Variants in ITGA9 observed in about 807,000 individuals in gnomAD.
ITGA9 encodes integrin alpha-9.
A neutral mutation model predicts 127.8 loss-of-function variants in ITGA9; 56 were observed. That is an observed-to-expected ratio of 0.44 (90% CI 0.35 to 0.55). ITGA9 has a LOEUF of 0.55. Ranked by LOEUF, ITGA9 falls within the 20% of genes least tolerant of loss-of-function variation. The pLI is 0.00. For missense variants in ITGA9, 1,196 were observed against 1,347.1 expected (o/e 0.89, Z 1.76); for synonymous variants, 508 against 514.5 (o/e 0.99, Z 0.17).
rs112184679 is a variant in ITGA9 at position 37,618,767 on chromosome 3, C to T, written c.1690-10420C>T. ...GGCGTAGGACTCTCCGAGCTAGGCA[C>T]GGGATATAATCTCCTCGTGTGCTGT... On this transcript the variant is annotated intron_variant, in intron 15 of 27. Coordinates refer to ENST00000264741, the MANE Select transcript of ITGA9 (RefSeq NM_002207.3). 3.2e-3 allele frequency among the ~76,000 whole-genome samples: 495 copies of T among 152,334 alleles called. 2 individuals are homozygous for T. Among genetic ancestry groups the T allele is most frequent in the African/African-American group, 0.011 (468 of 41,582 alleles).
At chr3:37,480,956 G>T (rs1371263399) in intron 3 of ITGA9, among the ~76,000 whole-genome samples, 1 of 152,176 alleles carries the variant, frequency 6.6e-6, no homozygotes, top group Non-Finnish European at 1.5e-5. Context: ...TCCCATTGCA[G>T]ATCTGCTGAA....
chr3:37,791,833 A>G (rs542745677), intron 26 of ITGA9, among the ~76,000 whole-genome samples: 17 of 152,312 alleles, frequency 1.1e-4, no homozygotes, highest in African/African-American at 4.1e-4. Context: ...GGCAAGCAAG[A>G]TTACTCCAAA....
intron 10 of ITGA9, among the ~76,000 whole-genome samples, chr3:37,518,091 C>CGTGTGTGTGTGT (rs1491416800): frequency 1.7e-4 from 9 of 51,878 alleles, no homozygotes; most frequent in African/African-American, 5.6e-4. Flanking sequence ...TGAGAGTGTA[C>CGTGTGTGTGTGT]GCGTGTGTGT....
At chr3:37,793,976 C>A (rs1697143631) in intron 26 of ITGA9, among the ~76,000 whole-genome samples, 1 of 152,182 alleles carries the variant, frequency 6.6e-6, no homozygotes, top group Non-Finnish European at 1.5e-5. Flanking sequence ...CCAAAAGGAT[C>A]TGGGCAGAGA....
chr3:37,743,578 ATCATCT>A (rs1696464051), intron 21 of ITGA9, among the ~76,000 whole-genome samples: 1 of 152,232 alleles, frequency 6.6e-6, no homozygotes, highest in Non-Finnish European at 1.5e-5. Context: ...AAAGCTTATG[ATCATCT>A]TCTTCAACCC....
chr3:37,479,742 G>T (rs1027293406), intron 3 of ITGA9, among the ~76,000 whole-genome samples: 2 of 152,190 alleles, frequency 1.3e-5, no homozygotes, highest in Admixed American at 6.5e-5. Context: ...GATGGAAAAT[G>T]CTTCATAGTG....
chr3:37,612,808 T>C (rs1205813070), intron 15 of ITGA9, among the ~76,000 whole-genome samples: 2 of 152,228 alleles, frequency 1.3e-5, no homozygotes, highest in Non-Finnish European at 2.9e-5. Context: ...CTTTTCTTTC[T>C]GAGCTTTGCC....
chr3:37,694,697 C>G (rs1312282127), intron 18 of ITGA9, among the ~76,000 whole-genome samples: 3 of 151,876 alleles, frequency 2.0e-5, no homozygotes, highest in Non-Finnish European at 4.4e-5. Context: ...TGTTAAACCT[C>G]TAGATTTCTT....
chr3:37,736,178 C>A (rs1010554350), intron 19 of ITGA9, among the ~76,000 whole-genome samples: 1 of 152,190 alleles, frequency 6.6e-6, no homozygotes, highest in Non-Finnish European at 1.5e-5. Context: ...AAGACCCCAT[C>A]TCCACATACC....
intron 1 of ITGA9, among the ~76,000 whole-genome samples, chr3:37,457,611 G>A (rs1170189565): frequency 1.3e-5 from 2 of 152,164 alleles, no homozygotes; most frequent in African/African-American, 4.8e-5. Context: ...CTAGGGAAAT[G>A]GCATTTTCAG....
At chr3:37,655,668 CT>C (rs1370456560) in intron 17 of ITGA9, among the ~76,000 whole-genome samples, 2 of 152,112 alleles carry the variant, frequency 1.3e-5, no homozygotes, top group African/African-American at 4.8e-5. Flanking sequence ...ATGATAGTTT[CT>C]TTTGCTGTGC....
intron 17 of ITGA9, among the ~76,000 whole-genome samples, chr3:37,669,170 A>G (rs1700613449): frequency 6.6e-6 from 1 of 152,146 alleles, no homozygotes; most frequent in African/African-American, 2.4e-5. Context: ...TTGGTGTCAC[A>G]CCCACATCCC....
intron 11 of ITGA9, among the ~76,000 whole-genome samples, chr3:37,520,394 C>T (rs1472745355): frequency 6.6e-6 from 1 of 152,110 alleles, no homozygotes; most frequent in Non-Finnish European, 1.5e-5. Context: ...GTTTATTATC[C>T]ACCATTTATT....
chr3:37,780,072 G>A lies in ITGA9; in HGVS notation c.2787+51G>A, dbSNP rs143657031. The stretch of plus-strand genomic sequence containing the variant: ...GGATGCATTTAGAAGCATTTGAATT[G>A]TTGACATCTGATTTTGGGTAAAAAA... On this transcript the variant is annotated intron_variant, in intron 25 of 27. Coordinates refer to ENST00000264741, the MANE Select transcript of ITGA9 (RefSeq NM_002207.3). The A allele has an allele frequency of 5.3e-5, 85 of 1,607,264 alleles. No homozygotes were observed. The African/African-American group carries it at 1.1e-3, about 20-fold the overall frequency.
intron 17 of ITGA9, among the ~76,000 whole-genome samples, chr3:37,672,024 T>TA (rs1700641108): frequency 6.6e-6 from 1 of 152,124 alleles, no homozygotes; most frequent in Non-Finnish European, 1.5e-5. Flanking sequence ...TTTTCAAGTG[T>TA]ATTTGAATGC....
intron 18 of ITGA9, among the ~76,000 whole-genome samples, chr3:37,724,202 C>G (rs914845932): frequency 6.6e-6 from 1 of 152,128 alleles, no homozygotes; most frequent in Non-Finnish European, 1.5e-5. Context: ...CTAGCCTTGT[C>G]CTGAAACATC....
At chr3:37,787,505 A>G (rs1292216966) in intron 26 of ITGA9, among the ~76,000 whole-genome samples, 1 of 152,122 alleles carries the variant, frequency 6.6e-6, no homozygotes, top group Non-Finnish European at 1.5e-5. Context: ...TAGCACTCCT[A>G]AGAAAAAATT....
intron 15 of ITGA9, among the ~76,000 whole-genome samples, chr3:37,596,144 A>G (rs570830109): frequency 1.4e-4 from 22 of 152,346 alleles, no homozygotes; most frequent in African/African-American, 5.0e-4. Flanking sequence ...ACATGTTACT[A>G]TTAAAGTATA....
At chr3:37,774,856 C>T (rs917900147) in intron 23 of ITGA9, among the ~76,000 whole-genome samples, 2 of 152,152 alleles carry the variant, frequency 1.3e-5, no homozygotes, top group African/African-American at 2.4e-5. Context: ...GGATATAAAC[C>T]TTCACCTTAT....
Sources: gnomAD v4.1 joint callset for allele counts (sites outside exome capture counted in the v4.1 genomes callset) on GRCh38, gnomAD v4.1.1 for gene constraint, MANE v1.5 for transcripts, NCBI Gene and HGNC (gene_info 2026-07-23, HGNC 2026-07-21) for gene names.